SDR42E2: variants seen among roughly 807,000 people sequenced by gnomAD.
The protein encoded by SDR42E2 is short chain dehydrogenase/reductase family 42E, member 2.
In SDR42E2, 20 loss-of-function variants were observed where a neutral mutation model predicts 10.5. The ratio of observed to expected loss-of-function variants is 1.90; its 90% CI spans 1.34 to 2.77. SDR42E2 has a LOEUF of 2.77. Among genes scored for constraint, SDR42E2 ranks in the 30% most tolerant of loss-of-function variants. The pLI, the probability that SDR42E2 is intolerant of heterozygous loss-of-function variation, is 0.00. For missense variants in SDR42E2, 162 were observed against 104.2 expected, an observed-to-expected ratio of 1.55 and a Z score of -2.42; for synonymous variants, 72 against 39.2, an observed-to-expected ratio of 1.84 and a Z score of -3.12.
chr16:22,185,324 G>A (rs2046728865), intron 11 of SDR42E2, among the ~76,000 whole-genome samples: 1 of 152,130 alleles, frequency 6.6e-6, no homozygotes, highest in African/African-American at 2.4e-5. Context: ...TTAAAAGCAG[G>A]GGGTTGCAAA....
chr16:22,177,350 G>T (rs1440932720), intron 7 of SDR42E2, among the ~76,000 whole-genome samples: 1 of 152,130 alleles, frequency 6.6e-6, no homozygotes, highest in African/African-American at 2.4e-5. Flanking sequence ...AACAAGGCCG[G>T]GCGCGGTGGC....
At chr16:22,189,482 T>C (rs2046756102) in intron 12 of SDR42E2, among the ~76,000 whole-genome samples, 2 of 152,086 alleles carry the variant, frequency 1.3e-5, no homozygotes, top group Middle Eastern at 3.2e-3. Flanking sequence ...ATAGAAAGGA[T>C]TTAGTCCAGG....
intron 1 of SDR42E2, among the ~76,000 whole-genome samples, chr16:22,163,441 C>A (rs926570264): frequency 6.6e-6 from 1 of 152,276 alleles, no homozygotes; most frequent in Admixed American, 6.5e-5. Context: ...CGCAGTGGCT[C>A]ACGCCTGTAA....
At chr16:22,189,328 C>A (rs1465370352) in intron 12 of SDR42E2, among the ~76,000 whole-genome samples, 1 of 152,086 alleles carries the variant, frequency 6.6e-6, no homozygotes, top group Non-Finnish European at 1.5e-5. Context: ...TCTCCAGGTG[C>A]CAGCACAGCA....
chr16:22,171,591 G>T (rs1350014046), intron 6 of SDR42E2, among the ~76,000 whole-genome samples: 2 of 151,946 alleles, frequency 1.3e-5, no homozygotes, highest in Non-Finnish European at 2.9e-5. Flanking sequence ...GGAGTGCAGT[G>T]TCATGATCTC....
chr16:22,188,094 T>TA (rs58432279), intron 12 of SDR42E2, among the ~76,000 whole-genome samples: 33,277 of 138,972 alleles, frequency 0.24, 4,933 homozygotes, highest in East Asian at 0.8. Context: ...AGACTCCATC[T>TA]AAAAAAAAAA....
intron 4 of SDR42E2, among the ~76,000 whole-genome samples, chr16:22,167,804 T>TA (rs1215641930): frequency 4.6e-5 from 7 of 152,120 alleles, no homozygotes; most frequent in African/African-American, 1.4e-4. Context: ...GTGTGCAGAT[T>TA]AAAAAAATAG....
chr16:22,189,949 T>C (rs931579937), intron 12 of SDR42E2, among the ~76,000 whole-genome samples, 190 bp from the exon 13 acceptor site: 1 of 152,050 alleles, frequency 6.6e-6, no homozygotes, highest in Non-Finnish European at 1.5e-5. Context: ...AAAATGAACA[T>C]GTAAGGAAGA....
At chr16:22,168,498 T>G (rs1005708674) in intron 4 of SDR42E2, among the ~76,000 whole-genome samples, 3 of 151,620 alleles carry the variant, frequency 2.0e-5, no homozygotes, top group Admixed American at 2.0e-4. Context: ...ACTCCTGACC[T>G]GAAGTGATCC....
intron 7 of SDR42E2, among the ~76,000 whole-genome samples, chr16:22,177,198 C>T (rs2046651610): frequency 6.6e-6 from 1 of 152,156 alleles, no homozygotes; most frequent in South Asian, 2.1e-4. Context: ...TATAACATCT[C>T]CAACCTTGGC....
chr16:22,181,769 C>A (rs1157831166), intron 9 of SDR42E2, 113 bp downstream of exon 9: 1 of 624,922 alleles, frequency 1.6e-6, no homozygotes, highest in Non-Finnish European at 2.9e-6. Context: ...CTTAAGAAGG[C>A]TGGTGGGACT....
At chr16:22,181,677 C>G (rs1464682324) in intron 9 of SDR42E2, 21 bp downstream of exon 9, 2 of 701,368 alleles carry the variant, frequency 2.9e-6, no homozygotes, top group Non-Finnish European at 5.2e-6. Context: ...TCTGATGCCC[C>G]CAACCACCTT....
intron 8 of SDR42E2, 132 bp from the exon 9 acceptor site, chr16:22,181,387 G>A: frequency 1.6e-6 from 1 of 629,620 alleles, no homozygotes; most frequent in South Asian, 1.8e-5. Context: ...GATATTCAGA[G>A]AGCATTGGAT....
intron 7 of SDR42E2, among the ~76,000 whole-genome samples, chr16:22,176,003 A>G (rs2046642002): frequency 6.6e-6 from 1 of 152,250 alleles, no homozygotes; most frequent in South Asian, 2.1e-4. Context: ...AAAAAAAAAA[A>G]AGTCATTTTA....
At chr16:22,177,558 A>T (rs1311628087) in intron 7 of SDR42E2, among the ~76,000 whole-genome samples, 1 of 151,878 alleles carries the variant, frequency 6.6e-6, no homozygotes, top group Non-Finnish European at 1.5e-5. Flanking sequence ...AACCCGGGAG[A>T]TGGAGGTTGC....
chr16:22,164,089 G>A (rs2046517247), intron 1 of SDR42E2, among the ~76,000 whole-genome samples: 1 of 151,858 alleles, frequency 6.6e-6, no homozygotes, highest in South Asian at 2.1e-4. Flanking sequence ...GGGGATGGAC[G>A]ATGGTGACAG....
intron 10 of SDR42E2, among the ~76,000 whole-genome samples, chr16:22,182,901 C>T (rs1195699239): frequency 6.6e-6 from 1 of 152,018 alleles, no homozygotes; most frequent in Non-Finnish European, 1.5e-5. Flanking sequence ...GCTACTTGGG[C>T]AGCTGAGGCG....
At chr16:22,182,339 CTTT>C in intron 10 of SDR42E2, 62 bp downstream of exon 10, 1 of 398,752 alleles carries the variant, frequency 2.5e-6, no homozygotes, top group Non-Finnish European at 4.4e-6. Context: ...CCTTCTCTTC[CTTT>C]TTATTTTTTT....
intron 12 of SDR42E2, among the ~76,000 whole-genome samples, chr16:22,187,020 A>G (rs1039440492): frequency 2.0e-5 from 3 of 152,130 alleles, no homozygotes; most frequent in Non-Finnish European, 4.4e-5. Flanking sequence ...TGGGTCTGAA[A>G]TGTGACAGCT....
Sources: gnomAD v4.1 joint callset for allele counts (sites outside exome capture counted in the v4.1 genomes callset) on GRCh38, gnomAD v4.1.1 for gene constraint, MANE v1.5 for transcripts, NCBI Gene and HGNC (gene_info 2026-07-23, HGNC 2026-07-21) for gene names.